The following SERGEF variants were observed in gnomAD, a reference collection of about 807,000 sequenced individuals.
The protein encoded by SERGEF is secretion regulating guanine nucleotide exchange factor, also known as secretion-regulating guanine nucleotide exchange factor.
Under a neutral mutation model 50.0 loss-of-function variants are expected in SERGEF, and 51 were observed. That is an observed-to-expected ratio of 1.02 (90% CI 0.81 to 1.29). The LOEUF (loss-of-function observed/expected upper bound fraction) is 1.29. Ranked by LOEUF, SERGEF falls within the 50% of genes most tolerant of loss-of-function variation. The probability of loss-of-function intolerance (pLI) is 0.00; values close to 1 mark genes in which losing one functional copy is unlikely to be tolerated. For synonymous variants in SERGEF, 205 were observed against 212.4 expected, an observed-to-expected ratio of 0.97 and a Z score of 0.30; for missense variants, 521 against 557.0, an observed-to-expected ratio of 0.94 and a Z score of 0.65.
At chr11:17,928,947 G>C (rs1852300178) in intron 9 of SERGEF, among the ~76,000 whole-genome samples, 1 of 152,104 alleles carries the variant, frequency 6.6e-6, no homozygotes, top group South Asian at 2.1e-4. Context: ...TTATATTTTA[G>C]TTATTAAATG....
At chr11:17,943,040 TA>T (rs1296929396) in intron 9 of SERGEF, among the ~76,000 whole-genome samples, 2 of 152,126 alleles carry the variant, frequency 1.3e-5, no homozygotes, top group African/African-American at 4.8e-5. Context: ...TCATAAGGGA[TA>T]CTAATCAATA....
intron 9 of SERGEF, among the ~76,000 whole-genome samples, chr11:17,887,779 A>C (rs1851458504): frequency 6.6e-6 from 1 of 152,246 alleles, no homozygotes; most frequent in Non-Finnish European, 1.5e-5. Flanking sequence ...AAAAATATGA[A>C]ATAACACAAA....
intron 9 of SERGEF, among the ~76,000 whole-genome samples, chr11:17,911,345 T>C (rs1435010848): frequency 6.8e-6 from 1 of 146,586 alleles, no homozygotes; most frequent in African/African-American, 2.5e-5. Flanking sequence ...ATATTATATA[T>C]AATATATATA....
chr11:18,009,956 C>T, intron 1 of SERGEF: 1 of 358,132 alleles, frequency 2.8e-6, no homozygotes, highest in South Asian at 2.4e-5. Flanking sequence ...GCCTTATGTC[C>T]AGTAAGTTTT....
intron 10 of SERGEF, among the ~76,000 whole-genome samples, chr11:17,870,080 A>G (rs1246961332): frequency 6.6e-6 from 1 of 152,166 alleles, no homozygotes; most frequent in Admixed American, 6.5e-5. Context: ...TGATGGTTTT[A>G]TAAGGGGCTC....
chr11:17,967,487 A>G (rs1175479139), intron 8 of SERGEF, among the ~76,000 whole-genome samples: 1 of 152,226 alleles, frequency 6.6e-6, no homozygotes, highest in Non-Finnish European at 1.5e-5. Flanking sequence ...ACATAGAAGT[A>G]TTCCACACAG....
At chr11:17,851,482 G>A (rs1263160174) in intron 10 of SERGEF, among the ~76,000 whole-genome samples, 11 of 152,060 alleles carry the variant, frequency 7.2e-5, no homozygotes, top group Admixed American at 7.2e-4. Context: ...ATGCTCTATA[G>A]AGCCCCCGCA....
intron 1 of SERGEF, chr11:18,012,472 T>G: frequency 9.3e-7 from 1 of 1,076,650 alleles, no homozygotes; most frequent in Non-Finnish European, 1.1e-6. Context: ...GGTCTGTGCC[T>G]TGTGCGCGGC....
At chr11:18,010,645 C>G (rs771026266) in intron 1 of SERGEF, among the ~76,000 whole-genome samples, 1 of 152,168 alleles carries the variant, frequency 6.6e-6, no homozygotes, top group Non-Finnish European at 1.5e-5. Flanking sequence ...TATTTTTCTT[C>G]ATGCCACTTC....
intron 10 of SERGEF, among the ~76,000 whole-genome samples, chr11:17,834,806 T>G (rs1016509622): frequency 1.3e-5 from 2 of 152,244 alleles, no homozygotes; most frequent in African/African-American, 2.4e-5. Flanking sequence ...CGTTTTTCTC[T>G]TTGTGCCCAT....
intron 8 of SERGEF, among the ~76,000 whole-genome samples, chr11:17,960,013 G>A (rs900820561): frequency 1.3e-5 from 2 of 152,110 alleles, no homozygotes; most frequent in African/African-American, 4.8e-5. Flanking sequence ...CCAGATGCCT[G>A]TTCTCAGGCT....
chr11:17,855,496 CTA>C (rs1850801035), intron 10 of SERGEF: 1 of 152,034 alleles, frequency 6.6e-6, no homozygotes, highest in Non-Finnish European at 1.5e-5. Flanking sequence ...TAGTACCAAA[CTA>C]TATATATTTG....
At chr11:17,925,186 A>G (rs968905808) in intron 9 of SERGEF, among the ~76,000 whole-genome samples, 20 of 151,476 alleles carry the variant, frequency 1.3e-4, no homozygotes, top group African/African-American at 4.9e-4. Flanking sequence ...TGACTAGGCC[A>G]CTGGGCACCA....
intron 10 of SERGEF, among the ~76,000 whole-genome samples, chr11:17,817,860 T>C (rs973280394): frequency 4.6e-5 from 7 of 152,216 alleles, no homozygotes; most frequent in Admixed American, 2.0e-4. Context: ...GATGATGTTA[T>C]AACCACTCCA....
intron 8 of SERGEF, among the ~76,000 whole-genome samples, chr11:17,980,404 A>G (rs946873394): frequency 6.6e-6 from 1 of 152,214 alleles, no homozygotes; most frequent in Non-Finnish European, 1.5e-5. Context: ...ACATATATAC[A>G]TGGGAATAGA....
chr11:17,920,572 C>T (rs1354355831), intron 9 of SERGEF, among the ~76,000 whole-genome samples: 2 of 152,232 alleles, frequency 1.3e-5, no homozygotes, highest in Non-Finnish European at 2.9e-5. Flanking sequence ...CTAAATAACA[C>T]AGTTGTCAAT....
At chr11:18,005,409 CAGA>C (rs1045500706) in intron 3 of SERGEF, among the ~76,000 whole-genome samples, 3 of 152,092 alleles carry the variant, frequency 2.0e-5, no homozygotes, top group African/African-American at 7.2e-5. Context: ...TCCAGACAGA[CAGA>C]AGAACATATA....
At chr11:17,905,892 C>T (rs571631948) in intron 9 of SERGEF, among the ~76,000 whole-genome samples, 109 of 152,234 alleles carry the variant, frequency 7.2e-4, no homozygotes, top group African/African-American at 2.5e-3. Flanking sequence ...CAGTCAGCCT[C>T]GAAATTCTGA....
intron 9 of SERGEF, among the ~76,000 whole-genome samples, chr11:17,916,427 C>T (rs1385552752): frequency 6.6e-6 from 1 of 152,204 alleles, no homozygotes; most frequent in Non-Finnish European, 1.5e-5. Context: ...AGCTGATTAA[C>T]TGCAGCAGAG....
Sources: gnomAD v4.1 joint callset for allele counts (sites outside exome capture counted in the v4.1 genomes callset) on GRCh38, gnomAD v4.1.1 for gene constraint, MANE v1.5 for transcripts, NCBI Gene and HGNC (gene_info 2026-07-23, HGNC 2026-07-21) for gene names.